USP36: variants seen among roughly 807,000 people sequenced by gnomAD.
USP36 encodes the protein ubiquitin carboxyl-terminal hydrolase 36.
Under a neutral mutation model 111.5 loss-of-function variants are expected in USP36, and 59 were observed. The observed-to-expected ratio is 0.53, with a 90% CI of 0.43 to 0.66. The LOEUF (loss-of-function observed/expected upper bound fraction) is 0.66. USP36 is among the 30% of genes least tolerant of loss of function. The probability of loss-of-function intolerance (pLI) is 0.00; values close to 1 mark genes in which losing one functional copy is unlikely to be tolerated. For missense variants in USP36, 1,488 were observed against 1,468.0 expected, an observed-to-expected ratio of 1.01 and a Z score of -0.22; for synonymous variants, 628 against 581.0, an observed-to-expected ratio of 1.08 and a Z score of -1.16.
intron 12 of USP36, 25 bp downstream of exon 12, chr17:78,813,748 T>C (rs1466288826): frequency 1.2e-6 from 2 of 1,608,084 alleles, no homozygotes; most frequent in South Asian, 2.2e-5. Flanking sequence ...AGTGAGCTCA[T>C]CTGGGGAGGG....
At chr17:78,790,053 A>C (rs972599415) in intron 3 of USP36, among the ~76,000 whole-genome samples, 5 of 152,000 alleles carry the variant, frequency 3.3e-5, no homozygotes, top group African/African-American at 1.2e-4. Context: ...TGCCAAGAGA[A>C]CTGTAGCCAC....
chr17:78,805,017 T>A (rs1347656528), intron 15 of USP36, among the ~76,000 whole-genome samples: 1 of 151,924 alleles, frequency 6.6e-6, no homozygotes, highest in Admixed American at 6.6e-5. Flanking sequence ...TAGAGCAGAA[T>A]CATGAGCAAG....
At chr17:78,840,593 G>A (rs935785734) in intron 1 of USP36, 143 bp downstream of exon 1, 1 of 152,298 alleles carries the variant, frequency 6.6e-6, no homozygotes, top group Admixed American at 6.5e-5. Context: ...GACGGCCGAA[G>A]CCCTGCGCGG....
intron 6 of USP36, among the ~76,000 whole-genome samples, chr17:78,823,369 A>C (rs182326062): frequency 1.4e-4 from 21 of 152,278 alleles, no homozygotes; most frequent in Non-Finnish European, 1.6e-4. Context: ...TGTCATCCAG[A>C]AGCCCGCAAG....
chr17:78,802,463 T>G lies in USP36; in HGVS notation c.2883A>C (p.Arg961Ser). The G allele has an allele frequency of 6.3e-7, 1 of 1,580,958 alleles. No individual in the cohort carries two copies. Among genetic ancestry groups the G allele is most frequent in the Non-Finnish European group, 8.6e-7 (1 of 1,160,078 alleles). The change falls in exon 17 of 21, where the codon AGA becomes AGC. Residue 961 changes from arginine to serine, a missense_variant. Transcript: ENST00000449938. ...CTACTGCCCGCTGTGTCTCCTGCTT[T>G]CTTTTTTTCTTTTTCTTTTTCCTTG... ...ESPRKKKKKK[R>S]KQETQRAVEE...
chr17:78,840,535 G>A (rs1248195899), intron 1 of USP36: 1 of 152,300 alleles, frequency 6.6e-6, no homozygotes, highest in Non-Finnish European at 1.5e-5. Flanking sequence ...CCCGGGCTCT[G>A]GAGAAGCGAG....
rs2093808759 is a variant in USP36, at chr17:78,803,502, C to T, written c.2693G>A (p.Gly898Asp). The T allele has an allele frequency of 1.2e-6, 2 of 1,614,008 alleles. No individual in the cohort carries two copies. The highest frequency in any genetic ancestry group is 1.7e-6 in the Non-Finnish European group (2 of 1,180,040). The change falls in exon 16 of 21, where the codon GGC becomes GAC. Residue 898 changes from glycine to aspartate, a missense_variant. Gly to Asp is a moderately conservative substitution (Grantham distance 94, BLOSUM62 -1). Around this residue, in one of 3 missense-constraint regions of USP36, gnomAD observed 1,073 missense variants for 994.1 expected, o/e 1.08. Transcript: ENST00000449938. This position sits in a 1 kb window ranked among gnomAD's most constrained non-coding sequence, Gnocchi z 4.6. The stretch of plus-strand genomic sequence containing the variant: ...GTCCGTAACACATCCCACCTGCTGG[C>T]CATTCACCTGTGGCTGTGTGCCATC... ...QEDGTQPQVN[G>D]QQVGCVTDGH...
rs1338519815 is a variant in USP36, at chr17:78,796,970, A to G, written c.*930T>C. 4 of 152,250 alleles carry G rather than the reference A, an allele frequency of 2.6e-5. No individual in the cohort carries two copies. Among genetic ancestry groups the G allele is most frequent in the African/African-American group, 7.2e-5 (3 of 41,458 alleles). The allele number at this position is 152,250 out of a possible 1,614,324, so 9.4% of individuals were successfully genotyped here. ...GAAAAGTAATCTTCTTGAGTTATACAATCATTTAAATTCCAAAGCACTCAC... is the reference window on the plus strand; with the variant it reads ...GAAAAGTAATCTTCTTGAGTTATACGATCATTTAAATTCCAAAGCACTCAC... On this transcript the variant is annotated 3_prime_UTR_variant, in exon 21 of 21. Transcript: ENST00000449938.
Position 78,807,376 on chromosome 17 carries a change from G to A in USP36, c.1668C>T (p.Thr556=), listed in dbSNP as rs552360175. The A allele has an allele frequency of 1.3e-5, 21 of 1,614,206 alleles. No homozygotes were observed. The African/African-American group carries it at 1.9e-4, about 14-fold the overall frequency. ...SPRTAQGLPG[T]SNSNSSRSGS... ...CAGATCTGCTGCTATTCGAGTTGCTGGTCCCAGGCAGCCCCTGAGCAGTTC... is the reference window on the plus strand; with the variant it reads ...CAGATCTGCTGCTATTCGAGTTGCTAGTCCCAGGCAGCCCCTGAGCAGTTC... The change falls in exon 14 of 21, where the codon ACC becomes ACT. Residue 556 remains threonine (T), a synonymous_variant. Transcript: ENST00000449938.
At chr17:78,821,112 C>T in intron 7 of USP36, 51 bp from the exon 8 acceptor site, 2 of 1,544,854 alleles carry the variant, frequency 1.3e-6, no homozygotes, top group Non-Finnish European at 8.8e-7. Flanking sequence ...AGAGGCACTC[C>T]CAGCTCCCAA....
At chr17:78,820,059 G>C in intron 8 of USP36, 47 bp from the exon 9 acceptor site, 1 of 1,593,434 alleles carries the variant, frequency 6.3e-7, no homozygotes, top group Non-Finnish European at 8.6e-7. Flanking sequence ...AGAGGAAAAA[G>C]GCTGATTCAA....
At chr17:78,837,424 C>T (rs961361546) in intron 2 of USP36, among the ~76,000 whole-genome samples, 25 of 152,014 alleles carry the variant, frequency 1.6e-4, no homozygotes, top group Non-Finnish European at 3.2e-4. Flanking sequence ...GCTATGAAAC[C>T]CAGGGACAAC....
chr17:78,830,171 G>A lies in USP36; in HGVS notation c.476-1164C>T, dbSNP rs116919093. 5.5e-3 allele frequency among the ~76,000 whole-genome samples: 834 copies of A among 152,302 alleles called. 32 individuals carry two copies. The East Asian group carries it at 0.1, about 18-fold the overall frequency. Reference sequence around the variant, plus strand: ...TCAAAGTCACCACTATCCTGAATTAGGCAATTATCGTTCTCATTCATGTAT... The same window carrying A: ...TCAAAGTCACCACTATCCTGAATTAAGCAATTATCGTTCTCATTCATGTAT... On this transcript the variant is annotated intron_variant, in intron 4 of 20. Coordinates refer to ENST00000449938, the MANE Select transcript of USP36 (RefSeq NM_001385174.1).
At chr17:78,819,437 G>T (rs903128107) in intron 9 of USP36, among the ~76,000 whole-genome samples, 4 of 152,206 alleles carry the variant, frequency 2.6e-5, no homozygotes, top group African/African-American at 9.7e-5. Context: ...CAAAGTAAGA[G>T]TTCTATCTGC....
At chr17:78,825,466 G>A (rs1289928690) in intron 6 of USP36, among the ~76,000 whole-genome samples, 4 of 151,950 alleles carry the variant, frequency 2.6e-5, no homozygotes, top group Admixed American at 1.3e-4. Context: ...CTCATGGACC[G>A]ACATCTGGTG....
chr17:78,803,923 G>C lies in USP36; in HGVS notation c.2272C>G (p.His758Asp). ...GGGGTACTGGACAGCAATGTGGGGT[G>C]GGGGCTGAAGGGGGGTTGCAGGCGG... ...SSRLQPPFSPHPTLLSSTPKP... is the reference protein window; with the variant it reads ...SSRLQPPFSPDPTLLSSTPKP... The change falls in exon 16 of 21, where the codon CAC becomes GAC. Residue 758 changes from histidine (H) to aspartate (D), a missense_variant. By Grantham distance (81) the His-to-Asp change is moderately conservative (BLOSUM62 -1). This residue lies in a region of USP36 where 1,073 missense variants were observed against 994.1 expected (regional missense o/e 1.08). Coordinates refer to ENST00000449938, the MANE Select transcript of USP36 (RefSeq NM_001385174.1). This position sits in a 1 kb window ranked among gnomAD's most constrained non-coding sequence, Gnocchi z 4.6. The C allele has an allele frequency of 6.2e-7, 1 of 1,600,216 alleles. No homozygotes were observed. The highest frequency in any genetic ancestry group is 8.5e-7 in the Non-Finnish European group (1 of 1,174,442).
intron 5 of USP36, among the ~76,000 whole-genome samples, chr17:78,828,536 C>A (rs1406364463): frequency 6.6e-6 from 1 of 152,192 alleles, no homozygotes; most frequent in Non-Finnish European, 1.5e-5. Flanking sequence ...CACTAAGAGG[C>A]TTCCCCACTG....
At chr17:78,827,894 G>A (rs1220472873) in intron 5 of USP36, among the ~76,000 whole-genome samples, 1 of 152,154 alleles carries the variant, frequency 6.6e-6, no homozygotes, top group African/African-American at 2.4e-5. Context: ...CTGGGCAATA[G>A]AGCAAGACTC....
At position 78,812,947 on chromosome 17, in the gene USP36, G is replaced by C. The variant is rs775796866; in HGVS notation, c.1320C>G (p.Ser440=). ...PEGLISRTGS[S]SLPGRPSVIP... is the part of the protein sequence containing the mutation. ...TCACACTCGGGCGGCCGGGAAGGGAGGAGGAGCCTGTCCTGGAGATGAGGC... is the reference window on the plus strand; with the variant it reads ...TCACACTCGGGCGGCCGGGAAGGGACGAGGAGCCTGTCCTGGAGATGAGGC... Residue 440 remains serine, a synonymous_variant, in exon 13 of 21, where the codon TCC becomes TCG. Transcript: ENST00000449938. The C allele has an allele frequency of 1.9e-6, 3 of 1,614,076 alleles. No homozygotes were observed. The highest frequency in any genetic ancestry group is 2.5e-6 in the Non-Finnish European group (3 of 1,180,018).
Sources: allele counts gnomAD v4.1 joint callset (sites outside exome capture counted in the v4.1 genomes callset), GRCh38; gene constraint gnomAD v4.1.1; regional missense constraint gnomAD v4.1.1; non-coding constraint Gnocchi (gnomAD v3.1); transcripts MANE v1.5; gene names NCBI Gene and HGNC (gene_info 2026-07-23, HGNC 2026-07-21).